The following GRIK1 variants were observed in gnomAD, a reference collection of about 807,000 sequenced individuals.
GRIK1 encodes glutamate ionotropic receptor kainate type subunit 1.
GRIK1 carries 69 observed loss-of-function variants against 105.7 expected under a neutral mutation model. That is an observed-to-expected ratio of 0.65 (90% CI 0.54 to 0.80). The LOEUF is 0.80. Ranked by LOEUF, GRIK1 falls within the 30% of genes least tolerant of loss-of-function variation. The probability of loss-of-function intolerance (pLI) is 0.00; values close to 1 mark genes in which losing one functional copy is unlikely to be tolerated. For missense variants in GRIK1, 1,109 were observed against 1,167.3 expected, an observed-to-expected ratio of 0.95 and a Z score of 0.73; for synonymous variants, 438 against 431.3, an observed-to-expected ratio of 1.02 and a Z score of -0.19.
intron 14 of GRIK1, among the ~76,000 whole-genome samples, chr21:29,576,454 C>A (rs1231069044): frequency 6.6e-6 from 1 of 152,174 alleles, no homozygotes; most frequent in Non-Finnish European, 1.5e-5. Flanking sequence ...CCAGAGTCTC[C>A]TGGGATTTTT....
intron 1 of GRIK1, among the ~76,000 whole-genome samples, chr21:29,782,179 CG>C (rs2066136958): frequency 6.6e-6 from 1 of 151,172 alleles, no homozygotes; most frequent in South Asian, 2.1e-4. Flanking sequence ...CTCTGCCTCC[CG>C]GGTTCACGCC....
intron 7 of GRIK1, among the ~76,000 whole-genome samples, chr21:29,628,453 C>T (rs1390456760): frequency 6.6e-6 from 1 of 152,128 alleles, no homozygotes; most frequent in African/African-American, 2.4e-5. Context: ...GCTTTTCTTG[C>T]CAATATTTGA....
chr21:29,553,227 G>A (rs1312387664), intron 16 of GRIK1: 2 of 997,016 alleles, frequency 2.0e-6, no homozygotes, highest in South Asian at 9.3e-5. Context: ...GCTTTGCCCT[G>A]TTGAAAGTCT....
intron 1 of GRIK1, among the ~76,000 whole-genome samples, chr21:29,889,685 T>C (rs2069820420): frequency 6.6e-6 from 1 of 152,144 alleles, no homozygotes; most frequent in Admixed American, 6.5e-5. Context: ...TCTCATATTT[T>C]AGAAACCATC....
Position 29,855,039 on chromosome 21 carries a change from G to A in GRIK1, c.118+84344C>T, listed in dbSNP as rs112288531. ...AACTAAGTCACTTTTGCAAACCAGG[G>A]CATGAGCTGTTGAGGGCACTTTGGG... On this transcript the variant is annotated intron_variant, in intron 1 of 17. Coordinates refer to ENST00000327783, the MANE Select transcript of GRIK1 (RefSeq NM_001330994.2). Among the ~76,000 whole-genome samples the A allele has an allele frequency of 5.5e-3, 844 of 152,280 alleles. 3 individuals are homozygous for A. Among genetic ancestry groups the A allele is most frequent in the Non-Finnish European group, 9.4e-3 (638 of 68,026 alleles).
chr21:29,638,812 G>T (rs1198630666), intron 7 of GRIK1, among the ~76,000 whole-genome samples: 2 of 152,154 alleles, frequency 1.3e-5, no homozygotes, highest in Non-Finnish European at 2.9e-5. Context: ...CCTTTCATTT[G>T]ATGGTAGCTA....
intron 1 of GRIK1, among the ~76,000 whole-genome samples, chr21:29,842,473 T>C (rs2068008903): frequency 1.3e-5 from 2 of 152,196 alleles, no homozygotes; most frequent in Admixed American, 1.3e-4. Flanking sequence ...CTAGAAATTT[T>C]CAAAAGTTTT....
intron 1 of GRIK1, among the ~76,000 whole-genome samples, chr21:29,768,538 C>A (rs1455458418): frequency 1.3e-5 from 2 of 152,098 alleles, no homozygotes; most frequent in Non-Finnish European, 2.9e-5. Flanking sequence ...CCACCCAGGG[C>A]ACAAAAAGAG....
At chr21:29,599,026 C>G (rs2061469190) in intron 7 of GRIK1, 89 bp from the exon 8 acceptor site, 1 of 646,672 alleles carries the variant, frequency 1.5e-6, no homozygotes, top group Non-Finnish European at 2.8e-6. Context: ...AAATTCATCA[C>G]AGTATCCAAT....
At chr21:29,781,815 C>T (rs891990862) in intron 1 of GRIK1, among the ~76,000 whole-genome samples, 5 of 148,696 alleles carry the variant, frequency 3.4e-5, no homozygotes, top group African/African-American at 9.8e-5. Flanking sequence ...GGACTACAGG[C>T]GCCCGCCACC....
intron 7 of GRIK1, among the ~76,000 whole-genome samples, chr21:29,625,670 A>G (rs2062108367): frequency 6.6e-6 from 1 of 152,148 alleles, no homozygotes; most frequent in Admixed American, 6.6e-5. Context: ...CAAATATGTA[A>G]TGCACATATT....
intron 16 of GRIK1, among the ~76,000 whole-genome samples, chr21:29,540,633 A>G (rs569337867): frequency 6.6e-6 from 1 of 152,328 alleles, no homozygotes; most frequent in Admixed American, 6.5e-5. Context: ...TTAAGGATAC[A>G]TATAAAGATT....
rs762761171 is a variant in GRIK1 at position 29,643,180 on chromosome 21, C to T, written c.955-211G>A. On this transcript the variant is annotated intron_variant, in intron 6 of 17. Coordinates refer to ENST00000327783, the MANE Select transcript of GRIK1 (RefSeq NM_001330994.2). ...GTAAATTGAAGTTATAACTCTGCTT[C>T]GTTTCAAGTTCTTTAAAAAAAAATA... 5.3e-5 allele frequency among the ~76,000 whole-genome samples: 8 copies of T among 151,520 alleles called. No homozygotes were observed. In the South Asian group the frequency reaches 8.3e-4, roughly 16 times the overall value.
At chr21:29,595,625 G>C (rs2061398381) in intron 9 of GRIK1, among the ~76,000 whole-genome samples, 1 of 152,038 alleles carries the variant, frequency 6.6e-6, no homozygotes, top group Non-Finnish European at 1.5e-5. Flanking sequence ...AAGTGAACCT[G>C]ACAAAACTGT....
chr21:29,666,794 C>G (rs1037589731), intron 4 of GRIK1, among the ~76,000 whole-genome samples: 2 of 152,204 alleles, frequency 1.3e-5, no homozygotes, highest in Non-Finnish European at 2.9e-5. Flanking sequence ...AACTAAAATA[C>G]GTTTCAGGTT....
At chr21:29,685,260 T>A (rs1170453361) in intron 3 of GRIK1, among the ~76,000 whole-genome samples, 1 of 152,230 alleles carries the variant, frequency 6.6e-6, no homozygotes, top group Non-Finnish European at 1.5e-5. Context: ...GTACAGAGTA[T>A]GCAAATATGT....
At position 29,673,025 on chromosome 21, in the gene GRIK1, T is replaced by C. The variant is rs1221127968; in HGVS notation, c.684A>G (p.Ile228Met). 7 of 1,613,322 alleles carry C rather than the reference T, an allele frequency of 4.3e-6. No homozygotes were observed. Among genetic ancestry groups the C allele is most frequent in the Non-Finnish European group, 5.9e-6 (7 of 1,179,496 alleles). The change falls in exon 4 of 18, where the codon ATA (isoleucine) becomes ATG (methionine). Residue 228 changes from isoleucine (I) to methionine (M), a missense_variant. Transcript: ENST00000327783. ...EMKKGKEFYVIFDCSHETAAE... is the reference protein window; with the variant it reads ...EMKKGKEFYVMFDCSHETAAE... ...CGGCTGTTTCATGTGAACAATCAAA[T>C]ATCACATAGAACTCCTTGCCTTTCT... is the stretch of plus-strand genomic sequence containing the variant.
intron 1 of GRIK1, among the ~76,000 whole-genome samples, chr21:29,921,226 C>T (rs2071182654): frequency 6.6e-6 from 1 of 152,010 alleles, no homozygotes; most frequent in Non-Finnish European, 1.5e-5. Flanking sequence ...AAATGACTCG[C>T]AGTTGCATAC....
intron 9 of GRIK1, among the ~76,000 whole-genome samples, chr21:29,592,622 T>G (rs1235353077): frequency 6.6e-6 from 1 of 152,178 alleles, no homozygotes. Context: ...TTCTAAACTT[T>G]CTGAGCTTCA....
Sources: allele counts gnomAD v4.1 joint callset (sites outside exome capture counted in the v4.1 genomes callset), GRCh38; gene constraint gnomAD v4.1.1; transcripts MANE v1.5; gene names NCBI Gene and HGNC (gene_info 2026-07-23, HGNC 2026-07-21).